RBFOX3: variants seen among roughly 807,000 people sequenced by gnomAD.
RBFOX3 encodes RNA binding fox-1 homolog 3.
RBFOX3 carries 17 observed loss-of-function variants against 48.7 expected under a neutral mutation model. The ratio of observed to expected loss-of-function variants is 0.35; its 90% CI spans 0.24 to 0.52. RBFOX3 has a LOEUF of 0.52. Ranked by LOEUF, RBFOX3 falls within the 20% of genes least tolerant of loss-of-function variation. The probability of loss-of-function intolerance (pLI) is 0.94; values close to 1 mark genes in which losing one functional copy is unlikely to be tolerated. For synonymous variants in RBFOX3, 212 were observed against 209.5 expected (o/e 1.01, Z -0.10); for missense variants, 382 against 497.5 (o/e 0.77, Z 2.21).
intron 1 of RBFOX3, among the ~76,000 whole-genome samples, chr17:79,610,584 A>G (rs1384989284): frequency 6.6e-6 from 1 of 151,834 alleles, no homozygotes; most frequent in East Asian, 1.9e-4. Context: ...CCACGGCCGG[A>G]CAGAGCGTCC....
chr17:79,353,833 G>A (rs1292284596), intron 2 of RBFOX3, among the ~76,000 whole-genome samples: 2 of 152,142 alleles, frequency 1.3e-5, no homozygotes, highest in East Asian at 3.9e-4. Context: ...CCCTTCCCCA[G>A]GCGAACCTTG....
Position 79,307,779 on chromosome 17 carries a change from C to T in RBFOX3, c.-129G>A, listed in dbSNP as rs906586135. On this transcript the variant is annotated 5_prime_UTR_variant, in exon 3 of 15. Coordinates refer to ENST00000693108, the MANE Select transcript of RBFOX3 (RefSeq NM_001350451.2). ...GTTCCCAGCTGGAGGGGCTGCAGAC[C>T]TGGGAAAATGGTGGCAGAATTTCCT... 1.3e-5 allele frequency: 2 copies of T among 153,766 alleles called. No homozygotes were observed. Among genetic ancestry groups the T allele is most frequent in the African/African-American group, 4.8e-5 (2 of 41,460 alleles). 9.5% of individuals were successfully genotyped at this position (153,766 alleles called of 1,614,324 possible).
At chr17:79,449,306 C>T (rs1159208953) in intron 2 of RBFOX3, among the ~76,000 whole-genome samples, 2 of 152,022 alleles carry the variant, frequency 1.3e-5, no homozygotes, top group East Asian at 1.9e-4. Context: ...TGCTAACCCC[C>T]GTTAACCCCT....
the RBFOX3 span, among the ~76,000 whole-genome samples, chr17:79,659,604 GAAACCTCCCA>G: frequency 6.6e-6 from 1 of 152,098 alleles, no homozygotes; most frequent in Admixed American, 6.6e-5. Context: ...CAGACACCAC[GAAACCTCCCA>G]TGCTGGACCC....
At chr17:79,164,269 T>C (rs1001460896) in intron 4 of RBFOX3, among the ~76,000 whole-genome samples, 4 of 151,848 alleles carry the variant, frequency 2.6e-5, no homozygotes, top group Non-Finnish European at 4.4e-5. Flanking sequence ...TCTTCAGGAG[T>C]CCAAGGTTAG....
chr17:79,106,588 G>T (rs989133213), intron 6 of RBFOX3, 63 bp downstream of exon 6: 2 of 1,395,856 alleles, frequency 1.4e-6, no homozygotes, highest in Admixed American at 7.6e-5. Context: ...CAGGGCCTGT[G>T]GGCGCCACCC....
At chr17:79,282,024 G>C (rs2070667578) in intron 3 of RBFOX3, among the ~76,000 whole-genome samples, 1 of 152,234 alleles carries the variant, frequency 6.6e-6, no homozygotes, top group African/African-American at 2.4e-5. Context: ...TGAGGGGGCA[G>C]GGGATGGGAG....
At chr17:79,176,037 C>A (rs1201343189) in intron 4 of RBFOX3, among the ~76,000 whole-genome samples, 4 of 152,200 alleles carry the variant, frequency 2.6e-5, no homozygotes, top group Non-Finnish European at 5.9e-5. Flanking sequence ...CCAGGAAGGG[C>A]AGGACAGGGT....
At chr17:79,439,781 CACAT>C (rs1555733620) in intron 2 of RBFOX3, among the ~76,000 whole-genome samples, 2 of 152,258 alleles carry the variant, frequency 1.3e-5, no homozygotes, top group East Asian at 1.9e-4. Flanking sequence ...CATGCACACA[CACAT>C]ACATGCACAC....
intron 2 of RBFOX3, among the ~76,000 whole-genome samples, chr17:79,413,080 G>A (rs1442779890): frequency 6.6e-6 from 1 of 152,150 alleles, no homozygotes; most frequent in Non-Finnish European, 1.5e-5. Context: ...GGTTCTGCTG[G>A]TTTAAAAGCA....
At chr17:79,558,736 C>T (rs1170068739) in intron 1 of RBFOX3, among the ~76,000 whole-genome samples, 2 of 152,184 alleles carry the variant, frequency 1.3e-5, no homozygotes, top group East Asian at 3.9e-4. Flanking sequence ...TCTCACCACC[C>T]ACAGTGCGCG....
chr17:79,260,824 G>A (rs1334427906), intron 3 of RBFOX3, among the ~76,000 whole-genome samples: 2 of 152,160 alleles, frequency 1.3e-5, no homozygotes, highest in Non-Finnish European at 2.9e-5. Flanking sequence ...CAACTCCAAA[G>A]TCCTTTCCCA....
rs9916291 is a variant in RBFOX3, at chr17:79,249,515, A to G, written c.-73-13710T>C. On this transcript the variant is annotated intron_variant, in intron 3 of 14. Transcript: ENST00000693108. The surrounding 1 kb of genome is among the most constrained non-coding windows in gnomAD (Gnocchi z 4.1). Reference sequence around the variant, plus strand: ...GTGCTTTTTCACCTGCAAACCGGCCAACCAGATCCCACACCCCAAGCCCCT... The same window carrying G: ...GTGCTTTTTCACCTGCAAACCGGCCGACCAGATCCCACACCCCAAGCCCCT... Among the ~76,000 whole-genome samples, 19,839 of 151,684 alleles carry G rather than the reference A, an allele frequency of 0.13. 1,812 individuals carry two copies. The highest frequency in any genetic ancestry group is 0.27 in the African/African-American group (10,996 of 41,272).
intron 1 of RBFOX3, among the ~76,000 whole-genome samples, chr17:79,579,874 G>A: frequency 8.6e-6 from 1 of 116,698 alleles, no homozygotes; most frequent in East Asian, 3.2e-4. Flanking sequence ...CGCTGTGGTG[G>A]GGGGTCACTG....
At chr17:79,598,929 C>G (rs1338810316) in intron 1 of RBFOX3, 2 of 152,180 alleles carry the variant, frequency 1.3e-5, no homozygotes, top group African/African-American at 4.8e-5. Flanking sequence ...GAGTCCCAGG[C>G]AGGTCTGTCC....
At chr17:79,149,261 A>T (rs2043765009) in intron 4 of RBFOX3, among the ~76,000 whole-genome samples, 1 of 152,206 alleles carries the variant, frequency 6.6e-6, no homozygotes, top group Admixed American at 6.5e-5. Flanking sequence ...TCTGGGGCTT[A>T]GTAGAGCGTG....
intron 14 of RBFOX3, chr17:79,092,762 C>T (rs965942458): frequency 6.4e-6 from 3 of 469,456 alleles, no homozygotes; most frequent in African/African-American, 4.2e-5. Flanking sequence ...ATTTCTTTCC[C>T]CCTATATTCC....
intron 2 of RBFOX3, among the ~76,000 whole-genome samples, chr17:79,374,890 C>T (rs2059024876): frequency 6.6e-6 from 1 of 152,204 alleles, no homozygotes; most frequent in African/African-American, 2.4e-5. Context: ...GCAACATCCA[C>T]AGCCCTTGCT....
At chr17:79,157,049 G>A in intron 4 of RBFOX3, among the ~76,000 whole-genome samples, 1 of 152,196 alleles carries the variant, frequency 6.6e-6, no homozygotes, top group Admixed American at 6.5e-5. Context: ...CCGCTGCTGT[G>A]GGCCAGGGAG....
Sources: allele counts gnomAD v4.1 joint callset (sites outside exome capture counted in the v4.1 genomes callset), GRCh38; gene constraint gnomAD v4.1.1; non-coding constraint Gnocchi (gnomAD v3.1); transcripts MANE v1.5; gene names NCBI Gene and HGNC (gene_info 2026-07-23, HGNC 2026-07-21).